EHBP1: variants seen among roughly 807,000 people sequenced by gnomAD.
EHBP1 encodes the protein EH domain-binding protein 1.
A neutral mutation model predicts 144.0 loss-of-function variants in EHBP1; 55 were observed. That is an observed-to-expected ratio of 0.38 (90% CI 0.31 to 0.48). EHBP1 has a LOEUF of 0.48. EHBP1 is among the 20% of genes least tolerant of loss of function. EHBP1 has a pLI of 0.98. For missense variants in EHBP1, 1,200 were observed against 1,364.2 expected, an observed-to-expected ratio of 0.88 and a Z score of 1.90; for synonymous variants, 469 against 472.7, an observed-to-expected ratio of 0.99 and a Z score of 0.10.
intron 13 of EHBP1, among the ~76,000 whole-genome samples, 189 bp from the exon 14 acceptor site, chr2:62,955,328 A>T (rs554137388): frequency 6.6e-6 from 1 of 152,268 alleles, no homozygotes; most frequent in Admixed American, 6.5e-5. Flanking sequence ...TATTTCCCTC[A>T]TGTCAAGATT....
At chr2:62,853,816 A>G (rs756022983) in intron 7 of EHBP1, among the ~76,000 whole-genome samples, 5 of 152,226 alleles carry the variant, frequency 3.3e-5, no homozygotes, top group Non-Finnish European at 5.9e-5. Context: ...GACCTGGTGC[A>G]TTGTCAGTGA....
intron 20 of EHBP1, 134 bp from the exon 21 acceptor site, chr2:63,038,609 C>T (rs1336598771): frequency 1.5e-6 from 1 of 673,144 alleles, no homozygotes; most frequent in African/African-American, 1.8e-5. Context: ...GTTTGTGTAT[C>T]ATTCATTTGG....
chr2:62,738,963 G>A (rs924606852), intron 2 of EHBP1, among the ~76,000 whole-genome samples: 3 of 151,986 alleles, frequency 2.0e-5, no homozygotes, highest in Non-Finnish European at 4.4e-5. Flanking sequence ...TTGCCTGTTC[G>A]CATTTAAGAG....
At chr2:62,873,375 T>C (rs1573833615) in intron 9 of EHBP1, among the ~76,000 whole-genome samples, 1 of 152,084 alleles carries the variant, frequency 6.6e-6, no homozygotes, top group African/African-American at 2.4e-5. Flanking sequence ...GAGAATTAAA[T>C]ATTAGACACA....
intron 14 of EHBP1, 42 bp downstream of exon 14, chr2:62,955,702 T>C (rs1558977819): frequency 1.9e-6 from 3 of 1,573,698 alleles, no homozygotes; most frequent in Non-Finnish European, 2.6e-6. Flanking sequence ...TTGTTCATTG[T>C]AATCATGGGG....
intron 19 of EHBP1, among the ~76,000 whole-genome samples, chr2:63,022,058 G>A (rs1255286105): frequency 6.6e-6 from 1 of 151,742 alleles, no homozygotes; most frequent in Admixed American, 6.6e-5. Flanking sequence ...GAGCCACCGC[G>A]CCCGGCATTC....
At chr2:62,904,393 C>T (rs1161621916) in intron 10 of EHBP1, among the ~76,000 whole-genome samples, 1 of 152,188 alleles carries the variant, frequency 6.6e-6, no homozygotes, top group Non-Finnish European at 1.5e-5. Flanking sequence ...GAATAACACT[C>T]ATCATAGTTT....
At chr2:63,030,524 A>T (rs923893489) in intron 19 of EHBP1, among the ~76,000 whole-genome samples, 1 of 151,314 alleles carries the variant, frequency 6.6e-6, no homozygotes, top group African/African-American at 2.4e-5. Context: ...GTCTCGCTCT[A>T]TCGCCCAGGC....
chr2:62,803,817 A>T (rs140378506), intron 5 of EHBP1, among the ~76,000 whole-genome samples: 65 of 152,314 alleles, frequency 4.3e-4, no homozygotes, highest in African/African-American at 1.5e-3. Flanking sequence ...TATGCGGTAC[A>T]GTGTAGTGGA....
chr2:62,994,119 G>A, intron 18 of EHBP1, 142 bp downstream of exon 18: 1 of 517,622 alleles, frequency 1.9e-6, no homozygotes, highest in Non-Finnish European at 3.5e-6. Context: ...TGAGAGGGGT[G>A]CACTGTTGAA....
chr2:62,718,255 A>G (rs892760519), intron 2 of EHBP1, among the ~76,000 whole-genome samples: 1 of 152,198 alleles, frequency 6.6e-6, no homozygotes, highest in African/African-American at 2.4e-5. Flanking sequence ...AAGAATGGAA[A>G]TTTTACATAA....
chr2:62,876,945 C>T (rs1487257972), intron 10 of EHBP1, among the ~76,000 whole-genome samples: 2 of 152,190 alleles, frequency 1.3e-5, no homozygotes, highest in African/African-American at 4.8e-5. Context: ...ACAATCAAAT[C>T]TATATAACAA....
chr2:62,923,690 G>A (rs1013226485), intron 10 of EHBP1, among the ~76,000 whole-genome samples: 2 of 152,168 alleles, frequency 1.3e-5, no homozygotes, highest in African/African-American at 4.8e-5. Context: ...AGGAGCATAA[G>A]GTGTGCAGTC....
At chr2:62,972,348 T>TA (rs2058537309) in intron 14 of EHBP1, among the ~76,000 whole-genome samples, 1 of 152,224 alleles carries the variant, frequency 6.6e-6, no homozygotes. Flanking sequence ...TCCTTAGACA[T>TA]AAACAGTGTG....
intron 19 of EHBP1, among the ~76,000 whole-genome samples, chr2:63,005,328 A>C (rs553792329): frequency 2.0e-4 from 30 of 152,074 alleles, no homozygotes; most frequent in Admixed American, 8.5e-4. Flanking sequence ...TGGCTATATT[A>C]CCAAGAAGCC....
chr2:62,753,671 T>G (rs2039978947), intron 3 of EHBP1, among the ~76,000 whole-genome samples: 1 of 152,188 alleles, frequency 6.6e-6, no homozygotes, highest in Non-Finnish European at 1.5e-5. Flanking sequence ...TTTCACATAG[T>G]CCCGTATTTG....
At chr2:62,884,028 A>G (rs541587921) in intron 10 of EHBP1, among the ~76,000 whole-genome samples, 2 of 152,336 alleles carry the variant, frequency 1.3e-5, no homozygotes, top group African/African-American at 4.8e-5. Flanking sequence ...AAAAAAGTGC[A>G]TAACAGAATA....
intron 19 of EHBP1, among the ~76,000 whole-genome samples, chr2:63,037,253 C>T (rs2061478299): frequency 6.6e-6 from 1 of 151,742 alleles, no homozygotes; most frequent in Non-Finnish European, 1.5e-5. Flanking sequence ...GCAAGTCAGC[C>T]TCTAGGGAGA....
rs755722354 is a variant in EHBP1, at chr2:62,990,846, TCTTA to T, written c.2733+10_2733+13del. On this transcript the variant is annotated splice_region_variant and intron_variant, in intron 16 of 22. Coordinates refer to ENST00000431489, the MANE Select transcript of EHBP1 (RefSeq NM_001142616.3). ...GCTCAGAGCAGGACATGAAAGTAAGTCTTACTTGTTTAAAACATTTGGCTTAGTA... is the reference window on the plus strand; with the variant it reads ...GCTCAGAGCAGGACATGAAAGTAAGTCTTGTTTAAAACATTTGGCTTAGTA... 82 of 1,605,992 alleles carry T rather than the reference TCTTA, an allele frequency of 5.1e-5. No homozygotes were observed. The highest frequency in any genetic ancestry group is 1.1e-5 in the South Asian group (1 of 89,418).
Sources: gnomAD v4.1 joint callset for allele counts (sites outside exome capture counted in the v4.1 genomes callset) on GRCh38, gnomAD v4.1.1 for gene constraint, MANE v1.5 for transcripts, NCBI Gene and HGNC (gene_info 2026-07-23, HGNC 2026-07-21) for gene names.